The following DLG2 variants were observed in gnomAD, a reference collection of about 807,000 sequenced individuals.
The protein encoded by DLG2 is discs large MAGUK scaffold protein 2, also known as disks large homolog 2.
In DLG2, 45 loss-of-function variants were observed where a neutral mutation model predicts 132.5. The ratio of observed to expected loss-of-function variants is 0.34; its 90% CI spans 0.27 to 0.44. DLG2 has a LOEUF of 0.44. Among genes scored for constraint, DLG2 ranks in the 20% least tolerant of loss-of-function variants. The pLI, the probability that DLG2 is intolerant of heterozygous loss-of-function variation, is 1.00. For missense variants in DLG2, 1,045 were observed against 1,196.9 expected (o/e 0.87, Z 1.87); for synonymous variants, 424 against 419.6 (o/e 1.01, Z -0.13).
intron 3 of DLG2, among the ~76,000 whole-genome samples, chr11:85,455,168 T>C (rs183849728): frequency 7.3e-4 from 111 of 152,310 alleles, no homozygotes; most frequent in African/African-American, 2.6e-3. Flanking sequence ...TGGAATGTTT[T>C]TCCATTTGTG....
rs66526147 is a variant in DLG2 at position 85,296,467 on chromosome 11, CTTTT to C, written c.41-11106_41-11103del. ...GGCAAGATTGTTTTGTTTCGATTTT[CTTTT>C]TTTTTTTTTTTTTTCACTTAGTTCT... On this transcript the variant is annotated intron_variant, in intron 3 of 27. Transcript: ENST00000376104. Among the ~76,000 whole-genome samples, 5 of 121,552 alleles carry C rather than the reference CTTTT, an allele frequency of 4.1e-5. 1 individual carries two copies. The highest frequency in any genetic ancestry group is 8.6e-5 in the Non-Finnish European group (5 of 58,464). The allele number at this position is 121,552 out of a possible 152,430, so 79.7% of individuals were successfully genotyped here.
At chr11:84,095,029 T>A (rs1033439437) in intron 10 of DLG2, among the ~76,000 whole-genome samples, 30 of 152,060 alleles carry the variant, frequency 2.0e-4, no homozygotes, top group Non-Finnish European at 3.5e-4. Context: ...ACCTATTTTT[T>A]AAAAATGGTC....
intron 6 of DLG2, among the ~76,000 whole-genome samples, chr11:84,854,027 C>T (rs2082471149): frequency 6.6e-6 from 1 of 151,908 alleles, no homozygotes; most frequent in Admixed American, 6.6e-5. Context: ...TGGGGAAATC[C>T]CATTGACCTA....
chr11:83,759,142 TA>T (rs2093784384), intron 18 of DLG2, among the ~76,000 whole-genome samples: 1 of 152,300 alleles, frequency 6.6e-6, no homozygotes, highest in East Asian at 1.9e-4. Context: ...TGACACAATG[TA>T]AAAAGTCATA....
At chr11:85,142,310 T>A (rs1422656150) in intron 5 of DLG2, among the ~76,000 whole-genome samples, 1 of 151,850 alleles carries the variant, frequency 6.6e-6, no homozygotes, top group Non-Finnish European at 1.5e-5. Context: ...TATTATTTTA[T>A]TTGTAGTTAT....
At chr11:84,949,287 A>C (rs1591708710) in intron 6 of DLG2, among the ~76,000 whole-genome samples, 1 of 152,128 alleles carries the variant, frequency 6.6e-6, no homozygotes, top group African/African-American at 2.4e-5. Flanking sequence ...GGGTAATAGA[A>C]TATCACAAGG....
chr11:83,901,258 A>T (rs1340160738), intron 15 of DLG2, among the ~76,000 whole-genome samples: 1 of 152,144 alleles, frequency 6.6e-6, no homozygotes, highest in Non-Finnish European at 1.5e-5. Flanking sequence ...GTTAATACTG[A>T]AATGAGTTAA....
intron 11 of DLG2, among the ~76,000 whole-genome samples, chr11:84,005,654 A>C (rs2094541045): frequency 6.6e-6 from 1 of 151,884 alleles, no homozygotes; most frequent in Non-Finnish European, 1.5e-5. Context: ...CAACAAAAAT[A>C]ATCCCATTAA....
chr11:85,474,802 T>C (rs142970454), intron 3 of DLG2, among the ~76,000 whole-genome samples: 139 of 151,748 alleles, frequency 9.2e-4, no homozygotes, highest in Non-Finnish European at 1.5e-4. Context: ...TAATTTATTC[T>C]ATTTAATTTA....
At chr11:85,466,050 T>C (rs544952722) in intron 3 of DLG2, among the ~76,000 whole-genome samples, 14 of 152,344 alleles carry the variant, frequency 9.2e-5, no homozygotes, top group Non-Finnish European at 1.9e-4. Context: ...ATTTCTCTGA[T>C]GGCCAGTGAT....
chr11:84,821,176 T>C (rs891628489), intron 6 of DLG2, among the ~76,000 whole-genome samples: 3 of 151,842 alleles, frequency 2.0e-5, no homozygotes, highest in African/African-American at 7.3e-5. Context: ...AAACAATAGT[T>C]CTCCTCCAAA....
intron 19 of DLG2, among the ~76,000 whole-genome samples, chr11:83,603,357 T>C (rs2153382516): frequency 6.6e-6 from 1 of 152,246 alleles, no homozygotes; most frequent in East Asian, 1.9e-4. Flanking sequence ...TGTTGATGTA[T>C]ATAACAGTTC....
chr11:84,081,767 C>G (rs1009094364), intron 10 of DLG2, among the ~76,000 whole-genome samples: 1 of 152,084 alleles, frequency 6.6e-6, no homozygotes, highest in African/African-American at 2.4e-5. Context: ...TGAATAGTGC[C>G]GCAATAAACA....
chr11:84,549,292 T>C (rs1396427615), intron 6 of DLG2, among the ~76,000 whole-genome samples: 2 of 152,212 alleles, frequency 1.3e-5, no homozygotes, highest in African/African-American at 2.4e-5. Flanking sequence ...ACTTCAAACA[T>C]GGTCTGAGTA....
At chr11:83,747,107 T>A (rs540012558) in intron 18 of DLG2, among the ~76,000 whole-genome samples, 1 of 151,730 alleles carries the variant, frequency 6.6e-6, no homozygotes, top group Non-Finnish European at 1.5e-5. Flanking sequence ...TGGTGGGAGG[T>A]TGGAGTGAGT....
chr11:83,781,692 A>G (rs1369737640), intron 18 of DLG2, among the ~76,000 whole-genome samples: 1 of 152,202 alleles, frequency 6.6e-6, no homozygotes, highest in Non-Finnish European at 1.5e-5. Context: ...TCAAGGCAAA[A>G]GAATTTGTGG....
intron 6 of DLG2, among the ~76,000 whole-genome samples, chr11:84,896,991 A>G (rs903009175): frequency 2.0e-5 from 3 of 151,862 alleles, no homozygotes; most frequent in Non-Finnish European, 1.5e-5. Flanking sequence ...TCATTATAAA[A>G]TGAGTTTCTA....
intron 6 of DLG2, among the ~76,000 whole-genome samples, chr11:85,029,573 T>C (rs887580713): frequency 3.9e-5 from 6 of 152,210 alleles, no homozygotes; most frequent in East Asian, 1.9e-4. Context: ...GCTATCAGTA[T>C]TAGGCCCCTC....
chr11:85,233,575 T>G (rs188785694), intron 4 of DLG2, among the ~76,000 whole-genome samples: 1 of 151,974 alleles, frequency 6.6e-6, no homozygotes, highest in Non-Finnish European at 1.5e-5. Flanking sequence ...GTTTTGTCAA[T>G]GTACTAATTA....
Sources: gnomAD v4.1 joint callset for allele counts (sites outside exome capture counted in the v4.1 genomes callset) on GRCh38, gnomAD v4.1.1 for gene constraint, MANE v1.5 for transcripts, NCBI Gene and HGNC (gene_info 2026-07-23, HGNC 2026-07-21) for gene names.